LDLRAD3: variants seen among roughly 807,000 people sequenced by gnomAD.
LDLRAD3 encodes the protein low-density lipoprotein receptor class A domain-containing protein 3.
LDLRAD3 carries 20 observed loss-of-function variants against 29.4 expected under a neutral mutation model. The ratio of observed to expected loss-of-function variants is 0.68; its 90% CI spans 0.48 to 0.99. LDLRAD3 has a LOEUF of 0.99. Among genes scored for constraint, LDLRAD3 ranks in the 50% least tolerant of loss-of-function variants. LDLRAD3 has a pLI of 0.00. For missense variants in LDLRAD3, 420 were observed against 454.3 expected, an observed-to-expected ratio of 0.92 and a Z score of 0.69; for synonymous variants, 157 against 192.7, an observed-to-expected ratio of 0.81 and a Z score of 1.53.
At chr11:36,062,012 A>C (rs1852708116) in intron 2 of LDLRAD3, among the ~76,000 whole-genome samples, 1 of 152,026 alleles carries the variant, frequency 6.6e-6, no homozygotes, top group African/African-American at 2.4e-5. Context: ...AGTAATAAAA[A>C]CTCTTAGCCT....
chr11:36,080,269 C>T (rs1448842425), intron 2 of LDLRAD3, among the ~76,000 whole-genome samples: 1 of 152,180 alleles, frequency 6.6e-6, no homozygotes, highest in Non-Finnish European at 1.5e-5. Context: ...TAATCGCAAG[C>T]CGGAGCACCA....
rs555655322 is a variant in LDLRAD3, at chr11:36,200,143, G to A, written c.455-26942G>A. On this transcript the variant is annotated intron_variant, in intron 4 of 5. Transcript: ENST00000315571. Reference sequence around the variant, plus strand: ...ATCGTGCCACTGCATTTCAGCCTGGGTGACACAGCAAGACTCCATCTAAAA... The same window carrying A: ...ATCGTGCCACTGCATTTCAGCCTGGATGACACAGCAAGACTCCATCTAAAA... 4.6e-5 allele frequency among the ~76,000 whole-genome samples: 7 copies of A among 152,168 alleles called. No individual in the cohort carries two copies. In the East Asian group the frequency reaches 1.4e-3, roughly 29 times the overall value.
At chr11:35,984,536 C>T (rs763283274) in intron 1 of LDLRAD3, among the ~76,000 whole-genome samples, 3 of 152,298 alleles carry the variant, frequency 2.0e-5, no homozygotes, top group South Asian at 2.1e-4. Flanking sequence ...AGATGGGAGT[C>T]GGGTGGGGTG....
At chr11:36,062,913 C>A (rs1232346384) in intron 2 of LDLRAD3, among the ~76,000 whole-genome samples, 1 of 152,010 alleles carries the variant, frequency 6.6e-6, no homozygotes, top group Non-Finnish European at 1.5e-5. Context: ...TACGTTGACC[C>A]ACTAAAACTA....
At chr11:36,225,531 C>T (rs1225358314) in intron 4 of LDLRAD3, among the ~76,000 whole-genome samples, 1 of 152,148 alleles carries the variant, frequency 6.6e-6, no homozygotes, top group East Asian at 1.9e-4. Flanking sequence ...CACCCTGGAA[C>T]TCCCGAGGAA....
At chr11:35,983,623 T>TTTTA (rs1445427842) in intron 1 of LDLRAD3, among the ~76,000 whole-genome samples, 24 of 152,070 alleles carry the variant, frequency 1.6e-4, no homozygotes, top group African/African-American at 3.1e-4. Context: ...AGTTAAGGAT[T>TTTTA]TTTATTTATT....
chr11:36,229,826 A>G lies in LDLRAD3; in HGVS notation c.*429A>G, dbSNP rs540630828. On this transcript the variant is annotated 3_prime_UTR_variant, in exon 6 of 6. Transcript: ENST00000315571. ...AGCATTTGGGGATTTGGGTTAGATG[A>G]TCTAACCAGGAGGCCATCACTGGAT... is the stretch of plus-strand genomic sequence containing the variant. 6.2e-6 allele frequency: 1 copy of G among 161,102 alleles called. No homozygotes were observed. Among genetic ancestry groups the G allele is most frequent in the African/African-American group, 2.4e-5 (1 of 41,884 alleles). 10.0% of individuals were successfully genotyped at this position (161,102 alleles called of 1,614,324 possible). A position where few individuals can be genotyped will look rare whatever the true frequency, so the allele number is the denominator to read the frequency against.
intron 1 of LDLRAD3, among the ~76,000 whole-genome samples, chr11:36,028,774 T>G (rs1333074949): frequency 1.3e-5 from 2 of 152,178 alleles, no homozygotes; most frequent in Non-Finnish European, 2.9e-5. Flanking sequence ...TTTTCTCTCC[T>G]CTTATATAGG....
At chr11:36,157,111 C>T (rs763238662) in intron 4 of LDLRAD3, among the ~76,000 whole-genome samples, 1 of 152,186 alleles carries the variant, frequency 6.6e-6, no homozygotes, top group East Asian at 1.9e-4. Context: ...TAAGGGCAAT[C>T]TTTTGGTCTC....
intron 4 of LDLRAD3, among the ~76,000 whole-genome samples, chr11:36,148,311 C>T (rs1334551451): frequency 6.6e-6 from 1 of 152,150 alleles, no homozygotes; most frequent in Non-Finnish European, 1.5e-5. Context: ...TGCCCTGTCA[C>T]TTTAGGGATC....
intron 1 of LDLRAD3, among the ~76,000 whole-genome samples, chr11:36,029,402 CGCCAGG>C (rs923002251): frequency 2.6e-5 from 3 of 115,018 alleles, no homozygotes; most frequent in Non-Finnish European, 6.4e-5. Flanking sequence ...ACAAGGGTGG[CGCCAGG>C]ACTCAGTGCT....
At chr11:36,024,424 G>T (rs1852137908) in intron 1 of LDLRAD3, among the ~76,000 whole-genome samples, 1 of 152,064 alleles carries the variant, frequency 6.6e-6, no homozygotes, top group Non-Finnish European at 1.5e-5. Context: ...AGGGATGTGG[G>T]GTTTCCTCAG....
chr11:35,969,024 A>C (rs1219095226), intron 1 of LDLRAD3, among the ~76,000 whole-genome samples: 2 of 152,186 alleles, frequency 1.3e-5, no homozygotes, highest in African/African-American at 4.8e-5. Context: ...GCTCAGAGTC[A>C]CGATTTTATA....
chr11:36,008,418 AG>A (rs1851911303), intron 1 of LDLRAD3, among the ~76,000 whole-genome samples: 1 of 152,098 alleles, frequency 6.6e-6, no homozygotes, highest in African/African-American at 2.4e-5. Context: ...GACCTCTTCA[AG>A]GCTTGAGAAA....
chr11:35,951,780 C>T (rs1361003563), intron 1 of LDLRAD3, among the ~76,000 whole-genome samples: 1 of 152,204 alleles, frequency 6.6e-6, no homozygotes, highest in African/African-American at 2.4e-5. Context: ...GTCACTTCAA[C>T]CTGTGTAGTA....
At chr11:36,088,920 CT>C (rs1343970353) in intron 3 of LDLRAD3, among the ~76,000 whole-genome samples, 2 of 152,134 alleles carry the variant, frequency 1.3e-5, no homozygotes, top group Admixed American at 6.5e-5. Context: ...AAAATGACCC[CT>C]CTCCTCCCCA....
chr11:36,107,466 G>A (rs978693501), intron 4 of LDLRAD3, among the ~76,000 whole-genome samples: 3 of 152,158 alleles, frequency 2.0e-5, no homozygotes, highest in Non-Finnish European at 4.4e-5. Context: ...AAAGTGCTGG[G>A]ATTACAGGTG....
intron 4 of LDLRAD3, among the ~76,000 whole-genome samples, chr11:36,110,762 A>G (rs1403529420): frequency 1.3e-5 from 2 of 152,256 alleles, no homozygotes; most frequent in East Asian, 3.8e-4. Flanking sequence ...GAAACATAAT[A>G]GCCTGCAGAT....
chr11:36,205,595 G>A (rs1855195659), intron 4 of LDLRAD3, among the ~76,000 whole-genome samples: 1 of 152,208 alleles, frequency 6.6e-6, no homozygotes, highest in African/African-American at 2.4e-5. Context: ...ATCAAAAAAG[G>A]GTTTAAGAGC....
Sources: gnomAD v4.1 joint callset for allele counts (sites outside exome capture counted in the v4.1 genomes callset) on GRCh38, gnomAD v4.1.1 for gene constraint, MANE v1.5 for transcripts, NCBI Gene and HGNC (gene_info 2026-07-23, HGNC 2026-07-21) for gene names.